The following ZFYVE26 variants were observed in gnomAD, a reference collection of about 807,000 sequenced individuals.
ZFYVE26 encodes zinc finger FYVE domain-containing protein 26.
Under a neutral mutation model 276.5 loss-of-function variants are expected in ZFYVE26, and 181 were observed. The observed-to-expected ratio is 0.65, with a 90% confidence interval of 0.58 to 0.74. The LOEUF is 0.74. Ranked by LOEUF, ZFYVE26 falls within the 30% of genes least tolerant of loss-of-function variation. The pLI, the probability that ZFYVE26 is intolerant of heterozygous loss-of-function variation, is 0.00. For synonymous variants in ZFYVE26, 1,129 were observed against 1,203.1 expected (o/e 0.94, Z 1.27); for missense variants, 2,821 against 3,097.9 (o/e 0.91, Z 2.12).
rs1204242252 is a variant in ZFYVE26, at chr14:67,815,904, G to A, written c.60C>T (p.Phe20=). ...ATTCTCCCCTCCGCAGGCATTCGCAGAAAAATCCAAAAAGCTGCTTCTGCG... is the reference window on the plus strand; with the variant it reads ...ATTCTCCCCTCCGCAGGCATTCGCAAAAAAATCCAAAAAGCTGCTTCTGCG... The part of the protein sequence containing the change: ...AASQKQLFGF[F]CECLRRGEWE... The change falls in exon 2 of 42, where the codon TTC becomes TTT. Residue 20 remains phenylalanine (F), a synonymous_variant. Coordinates refer to ENST00000347230, the MANE Select transcript of ZFYVE26 (RefSeq NM_015346.4). 2 of 1,613,448 alleles carry A rather than the reference G, an allele frequency of 1.2e-6. No homozygotes were observed. The highest frequency in any genetic ancestry group is 2.7e-5 in the African/African-American group (2 of 74,830).
At chr14:67,729,657 T>TGTTG in exon 14 of ZFYVE26, 1 of 596,682 alleles carries the variant, frequency 1.7e-6, no homozygotes, top group Non-Finnish European at 3.1e-6. Flanking sequence ...AGACTGTCGC[T>TGTTG]GTTGGTTATG....
intron 13 of ZFYVE26, 62 bp downstream of exon 13, chr14:67,794,108 GT>G: frequency 6.5e-7 from 1 of 1,538,622 alleles, no homozygotes; most frequent in Non-Finnish European, 9.0e-7. Context: ...ACACCATGGT[GT>G]ATGGCAACTC....
intron 1 of ZFYVE26, 107 bp from the exon 2 acceptor site, chr14:67,816,153 C>A (rs1156234867): frequency 1.2e-5 from 7 of 561,838 alleles, no homozygotes; most frequent in Non-Finnish European, 2.2e-5. Flanking sequence ...GCCTAAGTAT[C>A]GTTTTCAGTT....
chr14:67,754,615 T>C (rs2038730435), intron 37 of ZFYVE26, among the ~76,000 whole-genome samples: 1 of 152,198 alleles, frequency 6.6e-6, no homozygotes, highest in Non-Finnish European at 1.5e-5. Context: ...ATGGTAGTGG[T>C]AGAGCATTTA....
Position 67,807,939 on chromosome 14 carries a change from A to G in ZFYVE26, c.364-19T>C. ...ACAGCTCCTAAATAGAGGATGAAGA[A>G]AAGGATGGGTGGTGGGCATGCCTGG... On this transcript the variant is annotated intron_variant, in intron 4 of 41. Coordinates refer to ENST00000347230, the MANE Select transcript of ZFYVE26 (RefSeq NM_015346.4). 6.2e-7 allele frequency: 1 copy of G among 1,614,100 alleles called. No individual in the cohort carries two copies. The highest frequency in any genetic ancestry group is 8.5e-7 in the Non-Finnish European group (1 of 1,179,990).
chr14:67,744,146 T>C (rs2140171845), downstream of ZFYVE26, among the ~76,000 whole-genome samples: 1 of 152,330 alleles, frequency 6.6e-6, no homozygotes, highest in Middle Eastern at 3.4e-3. Context: ...TGGCTATCGA[T>C]ATTTGGTTGC....
chr14:67,748,676 C>T, intron 41 of ZFYVE26, 37 bp from the exon 42 acceptor site: 1 of 1,608,210 alleles, frequency 6.2e-7, no homozygotes, highest in South Asian at 1.1e-5. Flanking sequence ...GAAAGGCATC[C>T]ATCACCGACA....
intron 28 of ZFYVE26, among the ~76,000 whole-genome samples, chr14:67,771,083 A>G (rs545823253): frequency 2.0e-5 from 3 of 152,188 alleles, no homozygotes; most frequent in African/African-American, 7.2e-5. Flanking sequence ...GGTAGTAAGC[A>G]TGGTACCTAG....
chr14:67,777,426 G>T, intron 25 of ZFYVE26, 133 bp downstream of exon 25: 1 of 1,416,766 alleles, frequency 7.1e-7, no homozygotes, highest in Non-Finnish European at 9.9e-7. Flanking sequence ...TGGCAAAAGA[G>T]CCATTGAAAA....
rs2039995524 is a variant in ZFYVE26, at chr14:67,798,108, G to A, written c.2154C>T (p.Ser718=). 1 of 1,614,142 alleles carries A rather than the reference G, an allele frequency of 6.2e-7. No homozygotes were observed. Among genetic ancestry groups the A allele is most frequent in the Non-Finnish European group, 8.5e-7 (1 of 1,180,020 alleles). The change falls in exon 11 of 42, where the codon AGC becomes AGT. Residue 718 remains serine, a synonymous_variant. Coordinates refer to ENST00000347230, the MANE Select transcript of ZFYVE26 (RefSeq NM_015346.4). ...PKQESQSCSG[S]RDGLQSRLHR... The stretch of plus-strand genomic sequence containing the variant: ...GCAGGCGGCTCTGCAGTCCATCTCT[G>A]CTTCCTGAGCAGCTCTGACTTTCTT...
At chr14:67,750,578 G>A (rs1190025267) in intron 41 of ZFYVE26, 1 of 207,336 alleles carries the variant, frequency 4.8e-6, no homozygotes, top group Admixed American at 5.2e-5. Context: ...TTTGGCCCCT[G>A]AGGAGAGGTT....
At chr14:67,814,204 T>A in intron 2 of ZFYVE26, 140 bp from the exon 3 acceptor site, 2 of 733,196 alleles carry the variant, frequency 2.7e-6, no homozygotes, top group South Asian at 3.0e-5. Flanking sequence ...TATTTTTAAA[T>A]GTATATGACA....
Position 67,772,229 on chromosome 14 carries a change from G to T in ZFYVE26, c.5321-19C>A, listed in dbSNP as rs1450197469. 2 of 1,610,572 alleles carry T rather than the reference G, an allele frequency of 1.2e-6. No homozygotes were observed. Among genetic ancestry groups the T allele is most frequent in the African/African-American group, 2.7e-5 (2 of 74,888 alleles). On this transcript the variant is annotated intron_variant, in intron 27 of 41. Coordinates refer to ENST00000347230, the MANE Select transcript of ZFYVE26 (RefSeq NM_015346.4). ...GAGATACCTGGGAGGCAGAGCCAGA[G>T]GTCAGAGTAAAAGGTAATCAATATA... is the stretch of plus-strand genomic sequence containing the variant.
intron 35 of ZFYVE26, 51 bp from the exon 36 acceptor site, chr14:67,756,196 C>T (rs1178642066): frequency 1.3e-6 from 2 of 1,587,298 alleles, no homozygotes. Context: ...GGTTCTGGCA[C>T]TGTCTGGGAT....
At chr14:67,730,507 CGGGTTTTAGATTTTTG>C (rs915727362) in intron 13 of ZFYVE26, among the ~76,000 whole-genome samples, 3 of 152,168 alleles carry the variant, frequency 2.0e-5, no homozygotes, top group South Asian at 4.1e-4. Flanking sequence ...CAGAGTATTT[CGGGTTTTAGATTTTTG>C]GGGTTTGAGA....
In ZFYVE26 at chr14:67,748,405, G is replaced by GGCCACGTGTTCCTGGC. The variant is rs1384842753; in HGVS notation, c.*15_*30dup. On this transcript the variant is annotated 3_prime_UTR_variant, in exon 42 of 42. Transcript: ENST00000347230. ...CATCACTGCTGTTGCCCAGCTCTCA[G>GGCCACGTGTTCCTGGC]GCCACGTGTTCCTGGCCCCACTGCC... 1 of 1,608,196 alleles carries GGCCACGTGTTCCTGGC rather than the reference G, an allele frequency of 6.2e-7. No homozygotes were observed. Among genetic ancestry groups the GGCCACGTGTTCCTGGC allele is most frequent in the Non-Finnish European group, 8.5e-7 (1 of 1,178,380 alleles).
At chr14:67,759,749 T>A (rs1473056424) in intron 35 of ZFYVE26, among the ~76,000 whole-genome samples, 3 of 152,042 alleles carry the variant, frequency 2.0e-5, no homozygotes, top group Non-Finnish European at 4.4e-5. Context: ...CTGATCCTGG[T>A]TAGTTCTGTA....
intron 3 of ZFYVE26, among the ~76,000 whole-genome samples, chr14:67,809,879 G>A (rs1449226123): frequency 6.7e-6 from 1 of 150,350 alleles, no homozygotes; most frequent in Non-Finnish European, 1.5e-5. Flanking sequence ...CCGCCTCCTG[G>A]GTTCAAGCGA....
chr14:67,790,614 C>T lies in ZFYVE26; in HGVS notation c.2713G>A (p.Gly905Ser). The change falls in exon 15 of 42, where the codon GGC becomes AGC. Residue 905 changes from glycine to serine, a missense_variant. Gly to Ser is a moderately conservative substitution (Grantham distance 56, BLOSUM62 0). Coordinates refer to ENST00000347230, the MANE Select transcript of ZFYVE26 (RefSeq NM_015346.4). ...CCAATGGCCTGTAGAGTTGAGCGGC[C>T]ACTGCCAGTTCTCCGAATGGTGCTG... The part of the protein sequence containing the change: ...GSSTIRRTGS[G>S]RSTLQAIGSA... The T allele has an allele frequency of 6.2e-7, 1 of 1,614,142 alleles. No individual in the cohort carries two copies. Among genetic ancestry groups the T allele is most frequent in the South Asian group, 1.1e-5 (1 of 91,084 alleles).
Sources: allele counts gnomAD v4.1 joint callset (sites outside exome capture counted in the v4.1 genomes callset), GRCh38; gene constraint gnomAD v4.1.1; transcripts MANE v1.5; gene names NCBI Gene and HGNC (gene_info 2026-07-23, HGNC 2026-07-21).